The following KALRN variants were observed in gnomAD, a reference collection of about 807,000 sequenced individuals.
KALRN encodes kalirin RhoGEF kinase.
A neutral mutation model predicts 353.7 loss-of-function variants in KALRN; 70 were observed. That is an observed-to-expected ratio of 0.20 (90% CI 0.16 to 0.24). The LOEUF is 0.24. KALRN is among the 10% of genes least tolerant of loss of function. The probability of loss-of-function intolerance (pLI) is 1.00; values close to 1 mark genes in which losing one functional copy is unlikely to be tolerated. For missense variants in KALRN, 2,791 were observed against 3,756.7 expected, an observed-to-expected ratio of 0.74 and a Z score of 6.72; for synonymous variants, 1,391 against 1,434.8, an observed-to-expected ratio of 0.97 and a Z score of 0.69.
chr3:124,379,267 A>T (rs1381290939), intron 10 of KALRN, among the ~76,000 whole-genome samples: 3 of 152,120 alleles, frequency 2.0e-5, no homozygotes, highest in Non-Finnish European at 4.4e-5. Flanking sequence ...ATCTGAACAT[A>T]TGGAATACAA....
At chr3:124,055,244 T>C (rs972505166) in intron 1 of KALRN, among the ~76,000 whole-genome samples, 2 of 152,226 alleles carry the variant, frequency 1.3e-5, no homozygotes, top group African/African-American at 4.8e-5. Flanking sequence ...GTCATTCCCA[T>C]AGAATCTGAT....
chr3:124,152,787 GT>G (rs1437316963), intron 1 of KALRN: 1 of 311,258 alleles, frequency 3.2e-6, no homozygotes, highest in Non-Finnish European at 5.8e-6. Flanking sequence ...TTGTTTGTTT[GT>G]TTGTTTTTCA....
chr3:124,576,124 G>C (rs2074065407), intron 34 of KALRN, among the ~76,000 whole-genome samples: 1 of 151,470 alleles, frequency 6.6e-6, no homozygotes, highest in Non-Finnish European at 1.5e-5. Flanking sequence ...ACTTCCTTCT[G>C]CTTGAATGTC....
At chr3:124,073,543 G>A (rs1021497823) in intron 1 of KALRN, among the ~76,000 whole-genome samples, 3 of 152,128 alleles carry the variant, frequency 2.0e-5, no homozygotes, top group African/African-American at 7.2e-5. Flanking sequence ...TTTTTAAGTA[G>A]CCTTTTAAAA....
At position 124,526,542 on chromosome 3, in the gene KALRN, TCCAG is replaced by T. The variant is rs2067607788; in HGVS notation, c.4935+30132_4935+30135del. ...GTGAGCCAAGATCACACCACTGCAC[TCCAG>T]CCTGGGCAATGGAGCGAGACTGTGT... On this transcript the variant is annotated intron_variant, in intron 33 of 59. Transcript: ENST00000682506. Among the ~76,000 whole-genome samples, 4 of 152,180 alleles carry T rather than the reference TCCAG, an allele frequency of 2.6e-5. No homozygotes were observed. The East Asian group carries it at 7.7e-4, about 29-fold the overall frequency.
At position 124,395,203 on chromosome 3, in the gene KALRN, A is replaced by G; in HGVS notation, c.2031A>G (p.Ala677=). 1 of 1,613,494 alleles carries G rather than the reference A, an allele frequency of 6.2e-7. No homozygotes were observed. The highest frequency in any genetic ancestry group is 8.5e-7 in the Non-Finnish European group (1 of 1,179,922). ...LEDVCADSVD[A]VQELIKQFQQ... is the part of the protein sequence containing the mutation. ...ATGTCTGTGCAGATTCTGTGGATGC[A>G]GTCCAGGAACTGATCAAGCAGTTCC... The change falls in exon 12 of 60, where the codon GCA becomes GCG. Residue 677 remains alanine, a synonymous_variant. Coordinates refer to ENST00000682506, the MANE Select transcript of KALRN (RefSeq NM_001388419.1).
intron 33 of KALRN, among the ~76,000 whole-genome samples, chr3:124,534,379 G>T (rs1189642004): frequency 1.3e-5 from 2 of 152,122 alleles, no homozygotes; most frequent in African/African-American, 2.4e-5. Flanking sequence ...GTGGGGACGT[G>T]GGGGGCCAGG....
intron 33 of KALRN, chr3:124,519,627 G>T (rs989660457): frequency 3.0e-6 from 3 of 985,248 alleles, no homozygotes; most frequent in Non-Finnish European, 3.6e-6. Context: ...TTATTGTGAG[G>T]ATGTGACTTG....
chr3:124,408,792 A>G (rs2091868421), intron 13 of KALRN, among the ~76,000 whole-genome samples: 1 of 152,180 alleles, frequency 6.6e-6, no homozygotes, highest in Non-Finnish European at 1.5e-5. Flanking sequence ...GAGGGACTAT[A>G]GCTTTCTCTA....
In KALRN at chr3:124,455,313, G is replaced by A; in HGVS notation, c.3689G>A (p.Gly1230Glu). The change falls in exon 22 of 60, where the codon GGA (glycine) becomes GAA (glutamate). Residue 1230 changes from glycine to glutamate, a missense_variant. Coordinates refer to ENST00000682506, the MANE Select transcript of KALRN (RefSeq NM_001388419.1). The part of the protein sequence containing the change: ...KHYRDFSLRM[G>E]KYRYSLEKAL... ...TACAGAGATTTCTCCCTGAGGATGGGAAAGTACCGATACTCACTGGAGAAA... is the reference window on the plus strand; with the variant it reads ...TACAGAGATTTCTCCCTGAGGATGGAAAAGTACCGATACTCACTGGAGAAA... 11 of 1,614,140 alleles carry A rather than the reference G, an allele frequency of 6.8e-6. No individual in the cohort carries two copies. Among genetic ancestry groups the A allele is most frequent in the Non-Finnish European group, 9.3e-6 (11 of 1,180,006 alleles).
chr3:124,368,527 C>T (rs1256738425), intron 10 of KALRN, among the ~76,000 whole-genome samples: 2 of 150,696 alleles, frequency 1.3e-5, no homozygotes, highest in Admixed American at 1.3e-4. Context: ...AGGCACTCCT[C>T]ACTTCCTAGA....
chr3:124,694,646 C>G (rs1208040282), intron 53 of KALRN, 143 bp downstream of exon 53: 2 of 779,422 alleles, frequency 2.6e-6, no homozygotes, highest in Non-Finnish European at 4.0e-6. Context: ...TGGGCAAACA[C>G]TTGGACTTGA....
Position 124,269,040 on chromosome 3 carries a change from C to A in KALRN, c.754C>A (p.Gln252Lys). The change falls in exon 5 of 60, where the codon CAG becomes AAG. Residue 252 changes from glutamine (Q) to lysine (K), a missense_variant. Physicochemically the swap from Gln to Lys is moderately conservative, Grantham distance 53. Coordinates refer to ENST00000682506, the MANE Select transcript of KALRN (RefSeq NM_001388419.1). Reference protein sequence around the residue: ...APVEELDREGQRLLQCIRCSD... With the variant: ...APVEELDREGKRLLQCIRCSD... ...TGTGGAGGAGCTGGACCGGGAGGGG[C>A]AGCGGCTGCTGCAGTGCATCCGCTG... is the stretch of plus-strand genomic sequence containing the variant. 6.2e-7 allele frequency: 1 copy of A among 1,612,956 alleles called. No individual in the cohort carries two copies. The highest frequency in any genetic ancestry group is 8.5e-7 in the Non-Finnish European group (1 of 1,179,704).
chr3:124,654,827 G>A (rs1275810795), intron 38 of KALRN, among the ~76,000 whole-genome samples: 2 of 149,190 alleles, frequency 1.3e-5, no homozygotes, highest in African/African-American at 5.0e-5. Context: ...TATAAAATAG[G>A]TTTTACAATA....
In KALRN at chr3:124,549,320, A is replaced by AACAC. The variant is rs10542227; in HGVS notation, c.4936-13497_4936-13494dup. 7.8e-3 allele frequency among the ~76,000 whole-genome samples: 1,141 copies of AACAC among 146,016 alleles called. 6 individuals are homozygous for AACAC. The highest frequency in any genetic ancestry group is 8.7e-3 in the African/African-American group (345 of 39,502). On this transcript the variant is annotated intron_variant, in intron 33 of 59. Transcript: ENST00000682506. ...TAAGGAAAGAAAACCCCAAGAAGCC[A>AACAC]ACACACACACACACACACACACACA...
chr3:124,588,686 A>T (rs1439425966), intron 34 of KALRN, among the ~76,000 whole-genome samples: 1 of 152,000 alleles, frequency 6.6e-6, no homozygotes, highest in Non-Finnish European at 1.5e-5. Context: ...TCGGCCTCCC[A>T]AAGTACTGGG....
At chr3:124,535,341 T>C (rs897624336) in intron 33 of KALRN, among the ~76,000 whole-genome samples, 1 of 152,222 alleles carries the variant, frequency 6.6e-6, no homozygotes, top group African/African-American at 2.4e-5. Context: ...TACACCAATT[T>C]ACAGCTTGTT....
chr3:124,043,564 A>G (rs1399548702), intron 1 of KALRN, among the ~76,000 whole-genome samples: 6 of 152,094 alleles, frequency 3.9e-5, no homozygotes, highest in East Asian at 3.9e-4. Context: ...GGGAAGGACC[A>G]ATGGGCACAA....
intron 1 of KALRN, among the ~76,000 whole-genome samples, chr3:124,036,788 C>A (rs763254467): frequency 6.6e-6 from 1 of 152,206 alleles, no homozygotes; most frequent in Non-Finnish European, 1.5e-5. Flanking sequence ...TTCTGGCATA[C>A]TGTGCTTCTA....
Sources: allele counts gnomAD v4.1 joint callset (sites outside exome capture counted in the v4.1 genomes callset), GRCh38; gene constraint gnomAD v4.1.1; transcripts MANE v1.5; gene names NCBI Gene and HGNC (gene_info 2026-07-23, HGNC 2026-07-21).